The following SMIM31 variants were observed in gnomAD, a reference collection of about 807,000 sequenced individuals.
SMIM31 encodes the protein small integral membrane protein 31, also known as human epithelial cell program regulator.
At chr4:164,779,711 G>A (rs1341264457) in intron 2 of SMIM31, among the ~76,000 whole-genome samples, 1 of 151,998 alleles carries the variant, frequency 6.6e-6, no homozygotes, top group East Asian at 1.9e-4. Flanking sequence ...TATTTACCAG[G>A]GCAAATTTCA....
intron 1 of SMIM31, among the ~76,000 whole-genome samples, chr4:164,759,242 T>G (rs1035506035): frequency 2.0e-5 from 3 of 152,160 alleles, no homozygotes; most frequent in Non-Finnish European, 4.4e-5. Flanking sequence ...TGATTAGGAA[T>G]TATTTCCTCT....
intron 2 of SMIM31, among the ~76,000 whole-genome samples, chr4:164,795,350 G>A (rs1465949787): frequency 6.6e-6 from 1 of 152,146 alleles, no homozygotes; most frequent in East Asian, 1.9e-4. Context: ...CTGAGGTCAG[G>A]AGTTCGAGGC....
chr4:164,793,516 G>A (rs1279452720), intron 2 of SMIM31, among the ~76,000 whole-genome samples: 1 of 152,134 alleles, frequency 6.6e-6, no homozygotes, highest in African/African-American at 2.4e-5. Context: ...TCTGGAGGCT[G>A]GGAAGTCCAA....
At chr4:164,791,005 G>GA (rs1288291968) in intron 2 of SMIM31, among the ~76,000 whole-genome samples, 7 of 152,120 alleles carry the variant, frequency 4.6e-5, no homozygotes, top group Non-Finnish European at 7.4e-5. Flanking sequence ...CACTGAAGCT[G>GA]AAAAACTCCA....
intron 2 of SMIM31, among the ~76,000 whole-genome samples, chr4:164,770,780 T>TA (rs1224317692): frequency 1.3e-5 from 2 of 151,924 alleles, no homozygotes; most frequent in African/African-American, 4.8e-5. Context: ...CCCAAACATT[T>TA]AAAAAAATTC....
Position 164,798,525 on chromosome 4 carries a change from G to T in SMIM31, c.113-2566G>T, listed in dbSNP as rs71618418. On this transcript the variant is annotated intron_variant, in intron 2 of 2. Transcript: ENST00000507311. ...CAAAGTGCTGGGATTACAGGCATGA[G>T]CCACCACACCTGGCCTGATATAATG... Among the ~76,000 whole-genome samples, 1,104 of 152,204 alleles carry T rather than the reference G, an allele frequency of 7.3e-3. 7 individuals are homozygous for T. The highest frequency in any genetic ancestry group is 0.01 in the Non-Finnish European group (703 of 68,028).
chr4:164,771,175 G>T (rs111905725), intron 2 of SMIM31, among the ~76,000 whole-genome samples: 1 of 152,084 alleles, frequency 6.6e-6, no homozygotes, highest in Non-Finnish European at 1.5e-5. Flanking sequence ...TATTCTATCC[G>T]ATAGACATAC....
chr4:164,801,409 A>G lies in SMIM31; in HGVS notation c.*215A>G. 2.8e-6 allele frequency: 1 copy of G among 358,288 alleles called. No homozygotes were observed. Among genetic ancestry groups the G allele is most frequent in the Admixed American group, 4.6e-5 (1 of 21,566 alleles). 22.2% of individuals were successfully genotyped at this position (358,288 alleles called of 1,614,324 possible). A position where few individuals can be genotyped will look rare whatever the true frequency, so the allele number is the denominator to read the frequency against. ...ATCCAAAATATCTATTAAGAGCCAT[A>G]CACCATTCTAGCTGCAATTGATTAT... On this transcript the variant is annotated 3_prime_UTR_variant, in exon 3 of 3. Transcript: ENST00000507311.
chr4:164,790,126 G>C (rs1375458554), intron 2 of SMIM31, among the ~76,000 whole-genome samples: 1 of 152,122 alleles, frequency 6.6e-6, no homozygotes, highest in Non-Finnish European at 1.5e-5. Flanking sequence ...CACAGCATCA[G>C]AATTCTTCTA....
chr4:164,795,024 T>G (rs10008747), intron 2 of SMIM31, among the ~76,000 whole-genome samples: 1 of 151,868 alleles, frequency 6.6e-6, no homozygotes, highest in African/African-American at 2.4e-5. Context: ...TACTTTGCAA[T>G]GAGAAAATAA....
chr4:164,782,974 C>T (rs1463464353), intron 2 of SMIM31, among the ~76,000 whole-genome samples: 4 of 151,966 alleles, frequency 2.6e-5, no homozygotes, highest in South Asian at 2.1e-4. Context: ...AATCCCAGCA[C>T]GTTGGGTGGC....
At chr4:164,756,006 A>G (rs1732556236) in intron 1 of SMIM31, among the ~76,000 whole-genome samples, 1 of 152,146 alleles carries the variant, frequency 6.6e-6, no homozygotes, top group African/African-American at 2.4e-5. Flanking sequence ...CTTTATTTTT[A>G]TGATACCTTT....
chr4:164,768,354 G>A (rs967409877), intron 1 of SMIM31, among the ~76,000 whole-genome samples: 18 of 149,090 alleles, frequency 1.2e-4, no homozygotes, highest in South Asian at 1.1e-3. Context: ...GCTTGAACCC[G>A]TGAGGCAGAG....
At chr4:164,778,267 A>G (rs1197014707) in intron 2 of SMIM31, among the ~76,000 whole-genome samples, 1 of 152,198 alleles carries the variant, frequency 6.6e-6, no homozygotes, top group Non-Finnish European at 1.5e-5. Context: ...TTCAGCACTC[A>G]AGAGTAGTGA....
chr4:164,782,152 T>G (rs2110946261), intron 2 of SMIM31, among the ~76,000 whole-genome samples: 1 of 151,274 alleles, frequency 6.6e-6, no homozygotes, highest in South Asian at 2.1e-4. Flanking sequence ...TAGTCGGGGG[T>G]GGTGGCACTT....
rs1427761256 is a variant in SMIM31, at chr4:164,783,476, G to T, written c.112+12921G>T. Among the ~76,000 whole-genome samples the T allele has an allele frequency of 2.0e-5, 3 of 148,422 alleles. No individual in the cohort carries two copies. The South Asian group carries it at 6.4e-4, about 32-fold the overall frequency. On this transcript the variant is annotated intron_variant, in intron 2 of 2. Coordinates refer to ENST00000507311, the MANE Select transcript of SMIM31 (RefSeq NM_001352885.1). ...GAAGCGAAGGTTACAGTGAGCCCCTGTTGAGCCGCTACACTTCAGCCTGGG... is the reference window on the plus strand; with the variant it reads ...GAAGCGAAGGTTACAGTGAGCCCCTTTTGAGCCGCTACACTTCAGCCTGGG...
intron 2 of SMIM31, among the ~76,000 whole-genome samples, chr4:164,783,078 C>T (rs80243958): frequency 2.0e-5 from 3 of 151,358 alleles, no homozygotes; most frequent in South Asian, 2.1e-4. Flanking sequence ...ATTAGCCAGG[C>T]ACGTTGGCAC....
chr4:164,775,008 C>T (rs191136896), intron 2 of SMIM31, among the ~76,000 whole-genome samples: 26 of 152,302 alleles, frequency 1.7e-4, no homozygotes, highest in African/African-American at 6.0e-4. Flanking sequence ...GGAAATGGGC[C>T]AGACATTTGG....
At chr4:164,757,396 G>A (rs1026179876) in intron 1 of SMIM31, among the ~76,000 whole-genome samples, 1 of 126,368 alleles carries the variant, frequency 7.9e-6, no homozygotes, top group South Asian at 2.5e-4. Flanking sequence ...GATGCATTTT[G>A]ATGAGCACTA....
Sources: gnomAD v4.1 joint callset for allele counts (sites outside exome capture counted in the v4.1 genomes callset) on GRCh38, gnomAD v4.1.1 for gene constraint, MANE v1.5 for transcripts, NCBI Gene and HGNC (gene_info 2026-07-23, HGNC 2026-07-21) for gene names.